The following RNU6ATAC variants were observed in gnomAD, a reference collection of about 807,000 sequenced individuals.
RNU6ATAC encodes RNA, U6atac small nuclear.
exon 1 of RNU6ATAC, chr9:134,164,542 C>G (rs761779747): frequency 6.6e-6 from 1 of 152,118 alleles, no homozygotes; most frequent in East Asian, 1.9e-4. Context: ...GGAGTGCTAA[C>G]CTTCTCTCCT....
chr9:134,164,517 C>T (rs958918058), exon 1 of RNU6ATAC: 3 of 152,076 alleles, frequency 2.0e-5, no homozygotes, highest in East Asian at 1.9e-4. Context: ...AGGGCCTCTT[C>T]CATCCTTGTC....
At chr9:134,164,520 T>G (rs1185307719) in exon 1 of RNU6ATAC, 8 of 151,878 alleles carry the variant, frequency 5.3e-5, no homozygotes, top group Non-Finnish European at 7.4e-5. Context: ...GCCTCTTCCA[T>G]CCTTGTCAAG....
At chr9:134,164,458 C>A (rs1265977818) in exon 1 of RNU6ATAC, 1 of 151,756 alleles carries the variant, frequency 6.6e-6, no homozygotes, top group Non-Finnish European at 1.5e-5. Flanking sequence ...TGGTTAGATG[C>A]CACGAAGTAG....
exon 1 of RNU6ATAC, chr9:134,164,516 T>A (rs1317749509): frequency 6.6e-6 from 1 of 152,042 alleles, no homozygotes; most frequent in Non-Finnish European, 1.5e-5. Context: ...GAGGGCCTCT[T>A]CCATCCTTGT....
chr9:134,164,498 T>C (rs1179239351), exon 1 of RNU6ATAC: 4 of 152,160 alleles, frequency 2.6e-5, no homozygotes, highest in African/African-American at 4.8e-5. Flanking sequence ...ATGCGTGTTG[T>C]CAGGCCCGAG....
At chr9:134,164,513 T>TG (rs1488982903) in exon 1 of RNU6ATAC, 4 of 151,850 alleles carry the variant, frequency 2.6e-5, no homozygotes, top group African/African-American at 7.3e-5. Flanking sequence ...CCCGAGGGCC[T>TG]CTTCCATCCT....
At chr9:134,164,525 G>GT (rs1833028662) in exon 1 of RNU6ATAC, 1 of 151,388 alleles carries the variant, frequency 6.6e-6, no homozygotes, top group African/African-American at 2.4e-5. Context: ...TTCCATCCTT[G>GT]TCAAGGGGAG....
At chr9:134,164,533 G>GA (rs1554729395) in exon 1 of RNU6ATAC, 1 of 151,994 alleles carries the variant, frequency 6.6e-6, no homozygotes, top group African/African-American at 2.4e-5. Context: ...TTGTCAAGGG[G>GA]AGTGCTAACC....
exon 1 of RNU6ATAC, chr9:134,164,532 G>A (rs549203728): frequency 6.6e-6 from 1 of 151,934 alleles, no homozygotes. Context: ...CTTGTCAAGG[G>A]GAGTGCTAAC....
At chr9:134,164,488 A>T (rs1554729338) in exon 1 of RNU6ATAC, 1 of 150,560 alleles carries the variant, frequency 6.6e-6, no homozygotes, top group Non-Finnish European at 1.5e-5. Context: ...CCTTAACCGT[A>T]TGCGTGTTGT....
At chr9:134,164,527 C>CA (rs1220641652) in exon 1 of RNU6ATAC, 1 of 152,134 alleles carries the variant, frequency 6.6e-6, no homozygotes, top group Admixed American at 6.5e-5. Context: ...CCATCCTTGT[C>CA]AAGGGGAGTG....
chr9:134,164,515 T>TG (rs782752259), exon 1 of RNU6ATAC: 1 of 152,046 alleles, frequency 6.6e-6, no homozygotes, highest in African/African-American at 2.4e-5. Context: ...CGAGGGCCTC[T>TG]TCCATCCTTG....
chr9:134,164,528 A>C (rs1269598206), exon 1 of RNU6ATAC: 1 of 151,562 alleles, frequency 6.6e-6, no homozygotes, highest in Non-Finnish European at 1.5e-5. Context: ...CATCCTTGTC[A>C]AGGGGAGTGC....
At chr9:134,164,554 T>C (rs954467474) in exon 1 of RNU6ATAC, 1 of 152,180 alleles carries the variant, frequency 6.6e-6, no homozygotes, top group African/African-American at 2.4e-5. Flanking sequence ...TTCTCTCCTT[T>C]CATACAACAC....
exon 1 of RNU6ATAC, chr9:134,164,518 C>T (rs1164718499): frequency 2.0e-5 from 3 of 152,170 alleles, no homozygotes; most frequent in East Asian, 1.9e-4. Flanking sequence ...GGGCCTCTTC[C>T]ATCCTTGTCA....
exon 1 of RNU6ATAC, chr9:134,164,454 G>T (rs1007523309): frequency 2.6e-5 from 4 of 151,536 alleles, no homozygotes; most frequent in African/African-American, 9.7e-5. Context: ...ACGATGGTTA[G>T]ATGCCACGAA....
chr9:134,164,535 G>C (rs1419799440), exon 1 of RNU6ATAC: 1 of 151,924 alleles, frequency 6.6e-6, no homozygotes, highest in African/African-American at 2.4e-5. Flanking sequence ...GTCAAGGGGA[G>C]TGCTAACCTT....
chr9:134,164,560 A>G (rs1554729419), exon 1 of RNU6ATAC: 1 of 152,078 alleles, frequency 6.6e-6, no homozygotes, highest in African/African-American at 2.4e-5. Flanking sequence ...CCTTTCATAC[A>G]ACACGCCTCG....
exon 1 of RNU6ATAC, chr9:134,164,489 T>A (rs533376785): frequency 6.6e-6 from 1 of 151,908 alleles, no homozygotes; most frequent in Non-Finnish European, 1.5e-5. Context: ...CTTAACCGTA[T>A]GCGTGTTGTC....
Sources: allele counts gnomAD v4.1 joint callset, GRCh38; gene constraint gnomAD v4.1.1; transcripts MANE v1.5; gene names NCBI Gene and HGNC (gene_info 2026-07-23, HGNC 2026-07-21).